ROBO2: variants seen among roughly 807,000 people sequenced by gnomAD.
The protein encoded by ROBO2 is roundabout guidance receptor 2.
ROBO2 carries 53 observed loss-of-function variants against 160.8 expected under a neutral mutation model. That is an observed-to-expected ratio of 0.33 (90% confidence interval 0.26 to 0.41). The LOEUF is 0.41. Ranked by LOEUF, ROBO2 falls within the 10% of genes least tolerant of loss-of-function variation. The probability of loss-of-function intolerance (pLI) is 1.00; values close to 1 mark genes in which losing one functional copy is unlikely to be tolerated. For synonymous variants in ROBO2, 664 were observed against 611.7 expected (o/e 1.09, Z -1.26); for missense variants, 1,577 against 1,722.4 (o/e 0.92, Z 1.49).
chr3:75,928,198 A>G (rs976293992), intron 1 of ROBO2, among the ~76,000 whole-genome samples: 3 of 151,018 alleles, frequency 2.0e-5, no homozygotes, highest in African/African-American at 7.3e-5. Context: ...GTTAGCCAGG[A>G]TGGTCTCTAT....
At chr3:77,052,853 G>T (rs1422965010) in intron 1 of ROBO2, among the ~76,000 whole-genome samples, 1 of 152,146 alleles carries the variant, frequency 6.6e-6, no homozygotes, top group East Asian at 1.9e-4. Flanking sequence ...AGAACTAATT[G>T]CAATACTCTT....
intron 2 of ROBO2, among the ~76,000 whole-genome samples, chr3:77,463,801 G>A (rs921104042): frequency 1.3e-5 from 2 of 151,974 alleles, no homozygotes; most frequent in African/African-American, 2.4e-5. Context: ...AAATGGTCTC[G>A]AACTCCTGAG....
At chr3:76,734,780 G>C (rs996664718) in intron 2 of ROBO2, among the ~76,000 whole-genome samples, 1 of 152,128 alleles carries the variant, frequency 6.6e-6, no homozygotes, top group Non-Finnish European at 1.5e-5. Flanking sequence ...TGAATAAAGA[G>C]CCACATAAAC....
intron 2 of ROBO2, among the ~76,000 whole-genome samples, chr3:76,966,872 T>C (rs188950320): frequency 6.6e-6 from 1 of 152,102 alleles, no homozygotes; most frequent in African/African-American, 2.4e-5. Context: ...AGCAGAAAAA[T>C]TTCATCTACA....
At chr3:77,361,121 T>C (rs777507118) in intron 2 of ROBO2, among the ~76,000 whole-genome samples, 1 of 152,174 alleles carries the variant, frequency 6.6e-6, no homozygotes, top group Non-Finnish European at 1.5e-5. Flanking sequence ...TAATTGTACT[T>C]TTCATAAAAT....
chr3:76,128,744 A>G (rs1366326193), intron 2 of ROBO2, among the ~76,000 whole-genome samples: 1 of 152,134 alleles, frequency 6.6e-6, no homozygotes, highest in Non-Finnish European at 1.5e-5. Flanking sequence ...ATTGACAGTC[A>G]AAGAATATAA....
At chr3:75,996,285 T>C (rs2065724098) in intron 2 of ROBO2, among the ~76,000 whole-genome samples, 1 of 152,164 alleles carries the variant, frequency 6.6e-6, no homozygotes, top group African/African-American at 2.4e-5. Flanking sequence ...TGTGGGAGGT[T>C]TCCCTCATGC....
intron 2 of ROBO2, among the ~76,000 whole-genome samples, chr3:76,322,671 G>T (rs927402586): frequency 6.6e-6 from 1 of 152,108 alleles, no homozygotes; most frequent in African/African-American, 2.4e-5. Flanking sequence ...GTTACCGGAA[G>T]TCAGTTTTTC....
chr3:77,343,086 G>GAA (rs2067248063), intron 2 of ROBO2, among the ~76,000 whole-genome samples: 2 of 143,618 alleles, frequency 1.4e-5, no homozygotes, highest in African/African-American at 5.1e-5. Flanking sequence ...GAGAGAGAGA[G>GAA]AACTTTCTTA....
intron 2 of ROBO2, among the ~76,000 whole-genome samples, chr3:76,041,421 G>C (rs1480247383): frequency 6.6e-6 from 1 of 151,982 alleles, no homozygotes; most frequent in African/African-American, 2.4e-5. Flanking sequence ...ATTCCCTGGA[G>C]TTACTTGGAA....
At chr3:77,178,761 A>G (rs1246195003) in intron 2 of ROBO2, among the ~76,000 whole-genome samples, 2 of 152,086 alleles carry the variant, frequency 1.3e-5, no homozygotes, top group Non-Finnish European at 2.9e-5. Flanking sequence ...TCTTAAATAT[A>G]CTCCTGAAGA....
At chr3:77,421,129 G>A (rs542228217) in intron 2 of ROBO2, among the ~76,000 whole-genome samples, 5 of 152,170 alleles carry the variant, frequency 3.3e-5, no homozygotes, top group East Asian at 3.9e-4. Flanking sequence ...GTTTGGGCAC[G>A]CTCTTTAATC....
Position 76,141,060 on chromosome 3 carries a change from C to CACATATATATATATATATATATATAT in ROBO2, c.109+203459_109+203460insCATATATATATATATATATATATATA, listed in dbSNP as rs540516906. 2.2e-3 allele frequency among the ~76,000 whole-genome samples: 119 copies of CACATATATATATATATATATATATAT among 53,582 alleles called. 4 individuals carry two copies. The highest frequency in any genetic ancestry group is 0.013 in the Middle Eastern group (1 of 80). 35.2% of individuals were successfully genotyped at this position (53,582 alleles called of 152,430 possible). A position where few individuals can be genotyped will look rare whatever the true frequency, so the allele number is the denominator to read the frequency against. On this transcript the variant is annotated intron_variant, in intron 2 of 26. Coordinates refer to the ROBO2 transcript ENST00000487694. ...ACACACACAGATGTCTTTTTACATA[C>CACATATATATATATATATATATATAT]ATATATATATATATATAAAATATAT...
chr3:77,046,547 G>A (rs2064691193), intron 1 of ROBO2, among the ~76,000 whole-genome samples: 1 of 152,150 alleles, frequency 6.6e-6, no homozygotes, highest in Admixed American at 6.5e-5. Flanking sequence ...TATTGGTTGG[G>A]CACATGGAGA....
Position 76,675,081 on chromosome 3 carries a change from A to C in ROBO2, c.110-422933A>C, listed in dbSNP as rs536814281. On this transcript the variant is annotated intron_variant, in intron 2 of 26. Coordinates refer to the ROBO2 transcript ENST00000487694. The stretch of plus-strand genomic sequence containing the variant: ...GGGCTGAAAAGCAGCCCATAGCCAT[A>C]GACTATTCTTCAAAATATAAGGGCA... 6.6e-5 allele frequency among the ~76,000 whole-genome samples: 10 copies of C among 152,354 alleles called. No individual in the cohort carries two copies. In the South Asian group the frequency reaches 1.7e-3, roughly 25 times the overall value.
intron 2 of ROBO2, among the ~76,000 whole-genome samples, chr3:76,782,516 T>C (rs1321719090): frequency 6.6e-6 from 1 of 150,868 alleles, no homozygotes; most frequent in Non-Finnish European, 1.5e-5. Flanking sequence ...GCTATTTCCT[T>C]CTTCAGTTCT....
intron 1 of ROBO2, among the ~76,000 whole-genome samples, chr3:77,089,984 T>C (rs1032268916): frequency 1.3e-5 from 2 of 152,182 alleles, no homozygotes; most frequent in African/African-American, 2.4e-5. Flanking sequence ...CACTGAGATA[T>C]GTTTCCTTCA....
chr3:77,216,173 G>A (rs1013623183), intron 2 of ROBO2, among the ~76,000 whole-genome samples: 2 of 152,192 alleles, frequency 1.3e-5, no homozygotes, highest in Admixed American at 6.5e-5. Flanking sequence ...TGTCCCCAGA[G>A]GTGGGGTCTA....
At chr3:77,410,684 C>T (rs201130484) in intron 2 of ROBO2, among the ~76,000 whole-genome samples, 120 of 136,872 alleles carry the variant, frequency 8.8e-4, no homozygotes, top group East Asian at 2.1e-3. Flanking sequence ...CCTCCTCCTC[C>T]TCTTCCTCCT....
Sources: gnomAD v4.1 joint callset for allele counts (sites outside exome capture counted in the v4.1 genomes callset) on GRCh38, gnomAD v4.1.1 for gene constraint, MANE v1.5 for transcripts, NCBI Gene and HGNC (gene_info 2026-07-23, HGNC 2026-07-21) for gene names.